Variants in DGKG observed in about 807,000 individuals in gnomAD.
DGKG encodes the protein diacylglycerol kinase gamma.
Under a neutral mutation model 105.3 loss-of-function variants are expected in DGKG, and 78 were observed. That is an observed-to-expected ratio of 0.74 (90% confidence interval 0.62 to 0.89). The LOEUF (loss-of-function observed/expected upper bound fraction) is 0.89, where lower values mean the gene tolerates loss of function less well. Among genes scored for constraint, DGKG ranks in the 40% least tolerant of loss-of-function variants. DGKG has a pLI of 0.00. For missense variants in DGKG, 958 were observed against 1,020.1 expected (o/e 0.94, Z 0.83); for synonymous variants, 346 against 367.1 (o/e 0.94, Z 0.66).
chr3:186,299,841 T>TTTCTTTCTTTCTTTCTTC (rs1446531456), intron 3 of DGKG, among the ~76,000 whole-genome samples: 3 of 74,614 alleles, frequency 4.0e-5, no homozygotes, highest in Non-Finnish European at 2.5e-5. Context: ...TTCTTTCTTT[T>TTTCTTTCTTTCTTTCTTC]TTTTTTTTTT....
At chr3:186,218,852 A>G (rs1271801001) in intron 20 of DGKG, among the ~76,000 whole-genome samples, 2 of 152,196 alleles carry the variant, frequency 1.3e-5, no homozygotes, top group African/African-American at 4.8e-5. Flanking sequence ...GTTCATCTCA[A>G]TTAAAATATA....
At position 186,320,383 on chromosome 3, in the gene DGKG, A is replaced by G; in HGVS notation, c.67+10T>C. On this transcript the variant is annotated intron_variant, in intron 2 of 24. Transcript: ENST00000265022. ...AATCCCGTCCCAGGGCTGTCAATGC[A>G]TTTACTCACATTCTGAATATTTCTG... is the stretch of plus-strand genomic sequence containing the variant. 6.2e-7 allele frequency: 1 copy of G among 1,614,182 alleles called. No individual in the cohort carries two copies. The highest frequency in any genetic ancestry group is 2.2e-5 in the East Asian group (1 of 44,892).
chr3:186,278,051 G>A (rs1283055673), intron 9 of DGKG, among the ~76,000 whole-genome samples: 1 of 152,114 alleles, frequency 6.6e-6, no homozygotes, highest in East Asian at 1.9e-4. Flanking sequence ...ATAAATGAGA[G>A]TTTTCTACAA....
chr3:186,165,487 C>T (rs1021340584), intron 22 of DGKG, among the ~76,000 whole-genome samples: 3 of 152,186 alleles, frequency 2.0e-5, no homozygotes, highest in Non-Finnish European at 4.4e-5. Flanking sequence ...GGTTAATTAA[C>T]CTCAAATTTG....
intron 2 of DGKG, chr3:186,313,526 G>A (rs1471890734): frequency 1.0e-6 from 1 of 985,182 alleles, no homozygotes; most frequent in African/African-American, 1.7e-5. Flanking sequence ...GAAGGTGGAG[G>A]AATGGATCAG....
chr3:186,181,043 T>C (rs1717334399), intron 22 of DGKG, among the ~76,000 whole-genome samples: 1 of 152,228 alleles, frequency 6.6e-6, no homozygotes, highest in African/African-American at 2.4e-5. Context: ...AGTGCTAGGC[T>C]AGTGAGGCCA....
At chr3:186,238,994 A>G (rs185500933) in intron 20 of DGKG, among the ~76,000 whole-genome samples, 3 of 152,332 alleles carry the variant, frequency 2.0e-5, no homozygotes, top group Admixed American at 2.0e-4. Context: ...GGTTCCTTTA[A>G]GAATCTTCTG....
chr3:186,308,280 T>C (rs1478610872), intron 2 of DGKG, among the ~76,000 whole-genome samples: 1 of 152,154 alleles, frequency 6.6e-6, no homozygotes, highest in East Asian at 1.9e-4. Flanking sequence ...TCAATAATTG[T>C]TATTAAAAAC....
intron 1 of DGKG, among the ~76,000 whole-genome samples, chr3:186,353,319 C>T (rs529988443): frequency 2.4e-4 from 37 of 151,940 alleles, no homozygotes; most frequent in African/African-American, 4.1e-4. Flanking sequence ...GTCAGGAGTT[C>T]GAGACCAGCC....
intron 1 of DGKG, among the ~76,000 whole-genome samples, chr3:186,336,337 T>C (rs1725832563): frequency 6.6e-6 from 1 of 152,134 alleles, no homozygotes; most frequent in Non-Finnish European, 1.5e-5. Context: ...TTGGCAGCAA[T>C]ATGAAAATTA....
intron 9 of DGKG, among the ~76,000 whole-genome samples, chr3:186,275,995 TTATC>T (rs1174409732): frequency 4.0e-5 from 6 of 148,740 alleles, no homozygotes; most frequent in African/African-American, 9.9e-5. Flanking sequence ...TATCTATCTA[TTATC>T]TATCATCTAT....
chr3:186,283,948 T>A (rs931956890), intron 7 of DGKG, among the ~76,000 whole-genome samples: 1 of 152,204 alleles, frequency 6.6e-6, no homozygotes, highest in Non-Finnish European at 1.5e-5. Flanking sequence ...ATGAGCCCTA[T>A]CTCTGACATT....
At chr3:186,274,710 C>T (rs1286631963) in intron 10 of DGKG, among the ~76,000 whole-genome samples, 4 of 152,042 alleles carry the variant, frequency 2.6e-5, no homozygotes, top group African/African-American at 7.2e-5. Flanking sequence ...CTACAAAGGA[C>T]GTGAACTCAT....
At chr3:186,155,935 A>G (rs1020002890) in intron 24 of DGKG, among the ~76,000 whole-genome samples, 15 of 152,168 alleles carry the variant, frequency 9.9e-5, no homozygotes. Context: ...ATATTATTTC[A>G]TAGATTTATT....
intron 15 of DGKG, among the ~76,000 whole-genome samples, chr3:186,261,195 T>A (rs929355271): frequency 6.6e-6 from 1 of 152,198 alleles, no homozygotes; most frequent in Non-Finnish European, 1.5e-5. Context: ...ATCCCGGAAT[T>A]GGGAGGCAGA....
At position 186,283,098 on chromosome 3, in the gene DGKG, G is replaced by A. The variant is rs776516107; in HGVS notation, c.594+1562C>T. Among the ~76,000 whole-genome samples the A allele has an allele frequency of 6.0e-4, 91 of 151,940 alleles. 1 individual carries two copies. Among genetic ancestry groups the A allele is most frequent in the Admixed American group, 5.2e-4 (8 of 15,252 alleles). Reference sequence around the variant, plus strand: ...TAATTTTTGTATTTTTAGTAGAAACGGGGTTTCACCATATTGGCCAGGCTG... The same window carrying A: ...TAATTTTTGTATTTTTAGTAGAAACAGGGTTTCACCATATTGGCCAGGCTG... On this transcript the variant is annotated intron_variant, in intron 7 of 24. Coordinates refer to ENST00000265022, the MANE Select transcript of DGKG (RefSeq NM_001346.3).
intron 3 of DGKG, among the ~76,000 whole-genome samples, chr3:186,303,875 A>AT (rs747558020): frequency 2.0e-5 from 3 of 152,144 alleles, no homozygotes; most frequent in Non-Finnish European, 4.4e-5. Flanking sequence ...CTCGTTTCTC[A>AT]TTGAGACATT....
At chr3:186,310,125 G>A (rs1724452020) in intron 2 of DGKG, among the ~76,000 whole-genome samples, 1 of 151,036 alleles carries the variant, frequency 6.6e-6, no homozygotes, top group Non-Finnish European at 1.5e-5. Context: ...AAATTAGCCG[G>A]GCGTGGTGGC....
At chr3:186,266,288 T>C (rs1722053620) in intron 13 of DGKG, among the ~76,000 whole-genome samples, 1 of 152,210 alleles carries the variant, frequency 6.6e-6, no homozygotes, top group Non-Finnish European at 1.5e-5. Context: ...AGATTCTCCA[T>C]GTTTTTACTC....
Sources: gnomAD v4.1 joint callset for allele counts (sites outside exome capture counted in the v4.1 genomes callset) on GRCh38, gnomAD v4.1.1 for gene constraint, MANE v1.5 for transcripts, NCBI Gene and HGNC (gene_info 2026-07-23, HGNC 2026-07-21) for gene names.